The following ARID2 variants were observed in gnomAD, a reference collection of about 807,000 sequenced individuals.
The protein encoded by ARID2 is AT-rich interaction domain 2, also known as AT-rich interactive domain-containing protein 2.
ARID2 carries 32 observed loss-of-function variants against 184.6 expected under a neutral mutation model. The observed-to-expected ratio is 0.17, with a 90% confidence interval of 0.13 to 0.23. The LOEUF (loss-of-function observed/expected upper bound fraction) is 0.23. ARID2 is among the 10% of genes least tolerant of loss of function. The pLI is 1.00. For missense variants in ARID2, 1,696 were observed against 2,197.6 expected, an observed-to-expected ratio of 0.77 and a Z score of 4.56; for synonymous variants, 836 against 772.6, an observed-to-expected ratio of 1.08 and a Z score of -1.36.
chr12:45,782,444 C>G (rs1942111202), intron 3 of ARID2, among the ~76,000 whole-genome samples: 1 of 152,012 alleles, frequency 6.6e-6, no homozygotes, highest in South Asian at 2.1e-4. Context: ...CCAGACTGGT[C>G]AACATGGTGA....
intron 3 of ARID2, among the ~76,000 whole-genome samples, chr12:45,738,178 G>C (rs971034146): frequency 5.3e-5 from 8 of 151,708 alleles, no homozygotes; most frequent in Non-Finnish European, 1.0e-4. Context: ...AAATTTTGTT[G>C]GTCTGTCCTG....
chr12:45,780,394 T>C (rs1199599734), intron 3 of ARID2, among the ~76,000 whole-genome samples: 3 of 152,174 alleles, frequency 2.0e-5, no homozygotes, highest in African/African-American at 7.2e-5. Flanking sequence ...TTGTTTTCTG[T>C]ATAAGTTTTA....
At chr12:45,737,559 A>G (rs1941155713) in intron 3 of ARID2, among the ~76,000 whole-genome samples, 1 of 151,376 alleles carries the variant, frequency 6.6e-6, no homozygotes, top group African/African-American at 2.4e-5. Flanking sequence ...CTTGATAGGT[A>G]CTGCTGTGCT....
At chr12:45,741,787 G>A (rs574872178) in intron 3 of ARID2, among the ~76,000 whole-genome samples, 6 of 152,170 alleles carry the variant, frequency 3.9e-5, no homozygotes, top group East Asian at 3.9e-4. Flanking sequence ...CATTTAATGC[G>A]GAATGGTATA....
chr12:45,889,140 C>A (rs2138228018), intron 16 of ARID2, among the ~76,000 whole-genome samples: 1 of 152,280 alleles, frequency 6.6e-6, no homozygotes, highest in Admixed American at 6.5e-5. Flanking sequence ...CAAGATTGTG[C>A]CCCTGCACTC....
At chr12:45,856,767 T>G (rs1354307364) in intron 15 of ARID2, among the ~76,000 whole-genome samples, 3 of 152,204 alleles carry the variant, frequency 2.0e-5, no homozygotes, top group African/African-American at 7.2e-5. Context: ...TATGTGAAAG[T>G]AAATGATATA....
At chr12:45,819,332 A>G (rs1942856426) in intron 5 of ARID2, among the ~76,000 whole-genome samples, 1 of 152,196 alleles carries the variant, frequency 6.6e-6, no homozygotes, top group African/African-American at 2.4e-5. Context: ...GTAGTATAAT[A>G]ATGCAAAACC....
At chr12:45,813,395 T>G (rs903289027) in intron 4 of ARID2, among the ~76,000 whole-genome samples, 10 of 151,946 alleles carry the variant, frequency 6.6e-5, no homozygotes, top group African/African-American at 2.4e-4. Flanking sequence ...TCATTAATTT[T>G]TCTTTTAATG....
At chr12:45,887,196 A>G (rs1944205881) in intron 16 of ARID2, among the ~76,000 whole-genome samples, 1 of 152,234 alleles carries the variant, frequency 6.6e-6, no homozygotes, top group Non-Finnish European at 1.5e-5. Flanking sequence ...CAATGATTTA[A>G]ATAATAAGCA....
At chr12:45,791,206 G>A (rs1449618657) in intron 3 of ARID2, among the ~76,000 whole-genome samples, 1 of 68,744 alleles carries the variant, frequency 1.5e-5, no homozygotes, top group Non-Finnish European at 2.5e-5. Flanking sequence ...CACATTTTCT[G>A]TGTGTGTGTG....
intron 6 of ARID2, among the ~76,000 whole-genome samples, chr12:45,835,235 A>C (rs1160444605): frequency 5.9e-5 from 9 of 151,906 alleles, no homozygotes; most frequent in Admixed American, 5.9e-4. Context: ...CCTTTGCCAA[A>C]ATTTTTAGTT....
intron 13 of ARID2, among the ~76,000 whole-genome samples, chr12:45,849,246 T>C (rs1943495665): frequency 6.6e-6 from 1 of 152,158 alleles, no homozygotes; most frequent in Non-Finnish European, 1.5e-5. Flanking sequence ...GACTGTATCT[T>C]TTTAATCTTG....
intron 3 of ARID2, among the ~76,000 whole-genome samples, chr12:45,749,555 G>A (rs763075481): frequency 6.6e-5 from 10 of 152,208 alleles, no homozygotes; most frequent in Non-Finnish European, 1.5e-4. Context: ...TTGAAGCCAG[G>A]CATTGACTTT....
chr12:45,798,292 G>A (rs1189770302), intron 3 of ARID2, among the ~76,000 whole-genome samples: 1 of 152,056 alleles, frequency 6.6e-6, no homozygotes, highest in Non-Finnish European at 1.5e-5. Flanking sequence ...TGCAATGTAG[G>A]ATAAATTTCT....
chr12:45,836,476 A>C, intron 6 of ARID2, 113 bp from the exon 7 acceptor site: 2 of 1,002,562 alleles, frequency 2.0e-6, no homozygotes, highest in Non-Finnish European at 2.8e-6. Context: ...TTGGCCTCTT[A>C]AAGTGCTGGG....
chr12:45,815,183 G>C (rs890772259), intron 4 of ARID2, among the ~76,000 whole-genome samples: 4 of 152,108 alleles, frequency 2.6e-5, no homozygotes, highest in African/African-American at 9.7e-5. Flanking sequence ...TTACCTGAAA[G>C]CTATGTGGAA....
intron 11 of ARID2, chr12:45,840,713 A>C (rs1471106572): frequency 2.0e-5 from 3 of 152,134 alleles, no homozygotes. Context: ...CATCATCTCT[A>C]GCTATCTGTT....
In ARID2 at chr12:45,875,150, G is replaced by A. The variant is rs548755146; in HGVS notation, c.4922+14201G>A. Among the ~76,000 whole-genome samples, 4 of 152,204 alleles carry A rather than the reference G, an allele frequency of 2.6e-5. No individual in the cohort carries two copies. In the East Asian group the frequency reaches 7.7e-4, roughly 29 times the overall value. ...AAAATAAAAAATAGTTGAAGTGACT[G>A]CTTGTTCCATGGGCTGCAGAATGGA... On this transcript the variant is annotated intron_variant, in intron 16 of 20. Coordinates refer to ENST00000334344, the MANE Select transcript of ARID2 (RefSeq NM_152641.4).
rs193223812 is a variant in ARID2 at position 45,745,768 on chromosome 12, C to T, written c.284+14454C>T. ...TTTCGTCATTTGGCCAGGCTGTTCTCGAACTCCTGGCCTCAAGTGATCTGC... is the reference window on the plus strand; with the variant it reads ...TTTCGTCATTTGGCCAGGCTGTTCTTGAACTCCTGGCCTCAAGTGATCTGC... On this transcript the variant is annotated intron_variant, in intron 3 of 20. Coordinates refer to ENST00000334344, the MANE Select transcript of ARID2 (RefSeq NM_152641.4). Among the ~76,000 whole-genome samples, 12 of 152,206 alleles carry T rather than the reference C, an allele frequency of 7.9e-5. No homozygotes were observed. The East Asian group carries it at 2.3e-3, about 29-fold the overall frequency.
Sources: allele counts gnomAD v4.1 joint callset (sites outside exome capture counted in the v4.1 genomes callset), GRCh38; gene constraint gnomAD v4.1.1; transcripts MANE v1.5; gene names NCBI Gene and HGNC (gene_info 2026-07-23, HGNC 2026-07-21).